NCKAP5: variants seen among roughly 807,000 people sequenced by gnomAD.
NCKAP5 encodes the protein nck-associated protein 5.
A neutral mutation model predicts 167.0 loss-of-function variants in NCKAP5; 92 were observed. The observed-to-expected ratio is 0.55, with a 90% CI of 0.47 to 0.66. The LOEUF (loss-of-function observed/expected upper bound fraction) is 0.66, where lower values mean the gene tolerates loss of function less well. Ranked by LOEUF, NCKAP5 falls within the 30% of genes least tolerant of loss-of-function variation. NCKAP5 has a pLI of 0.00. For synonymous variants in NCKAP5, 891 were observed against 877.4 expected (o/e 1.02, Z -0.27); for missense variants, 2,378 against 2,315.0 (o/e 1.03, Z -0.56).
At chr2:132,974,227 A>G (rs2076913220) in intron 7 of NCKAP5, among the ~76,000 whole-genome samples, 1 of 152,262 alleles carries the variant, frequency 6.6e-6, no homozygotes, top group Non-Finnish European at 1.5e-5. Flanking sequence ...TGTAGAAGTT[A>G]AAACAGAACT....
At chr2:133,373,042 T>G (rs998654192) in intron 3 of NCKAP5, among the ~76,000 whole-genome samples, 1 of 152,136 alleles carries the variant, frequency 6.6e-6, no homozygotes, top group African/African-American at 2.4e-5. Context: ...AGGTATACAT[T>G]TGGCAAAAAT....
chr2:133,527,369 G>A (rs1417815890), intron 2 of NCKAP5, among the ~76,000 whole-genome samples: 2 of 152,076 alleles, frequency 1.3e-5, no homozygotes, highest in Admixed American at 6.6e-5. Flanking sequence ...CAATAAATTG[G>A]AAGCCAGTAC....
intron 11 of NCKAP5, among the ~76,000 whole-genome samples, chr2:132,804,864 TC>T (rs1301362488): frequency 1.3e-5 from 2 of 151,946 alleles, no homozygotes; most frequent in Non-Finnish European, 2.9e-5. Flanking sequence ...CAGGATTCTG[TC>T]CCAGACCTGC....
intron 4 of NCKAP5, among the ~76,000 whole-genome samples, chr2:133,254,127 G>A (rs939991515): frequency 1.3e-5 from 2 of 152,160 alleles, no homozygotes; most frequent in African/African-American, 4.8e-5. Context: ...TCATGACCTG[G>A]TGTAATCTCC....
chr2:133,266,704 G>C (rs905917835), intron 4 of NCKAP5, among the ~76,000 whole-genome samples: 3 of 152,162 alleles, frequency 2.0e-5, no homozygotes, highest in African/African-American at 7.2e-5. Context: ...CGGGCACCTC[G>C]CGCTCCTCCG....
intron 3 of NCKAP5, among the ~76,000 whole-genome samples, chr2:133,426,930 C>T (rs1689847093): frequency 6.6e-6 from 1 of 152,068 alleles, no homozygotes; most frequent in Admixed American, 6.6e-5. Context: ...TGGTGATATA[C>T]AGAACATAAA....
intron 8 of NCKAP5, among the ~76,000 whole-genome samples, chr2:132,945,073 A>G (rs1697598519): frequency 6.6e-6 from 1 of 152,116 alleles, no homozygotes; most frequent in Non-Finnish European, 1.5e-5. Flanking sequence ...ACTGGCCCCA[A>G]GCGGGTTGAG....
intron 19 of NCKAP5, among the ~76,000 whole-genome samples, chr2:132,685,620 G>A (rs1685827672): frequency 6.6e-6 from 1 of 152,088 alleles, no homozygotes; most frequent in South Asian, 2.1e-4. Flanking sequence ...CTAGGCCCTG[G>A]AACTACAATT....
chr2:132,829,710 C>G (rs987468069), intron 11 of NCKAP5, among the ~76,000 whole-genome samples: 2 of 152,106 alleles, frequency 1.3e-5, no homozygotes, highest in Non-Finnish European at 2.9e-5. Flanking sequence ...GACACCTACA[C>G]CCAGATGTTC....
intron 11 of NCKAP5, among the ~76,000 whole-genome samples, chr2:132,813,658 A>G (rs538509996): frequency 1.3e-4 from 20 of 152,284 alleles, no homozygotes; most frequent in African/African-American, 4.8e-4. Context: ...TCAGCAAGAA[A>G]CCATACGTGG....
At chr2:133,183,578 A>C (rs2084823156) in intron 5 of NCKAP5, among the ~76,000 whole-genome samples, 1 of 150,418 alleles carries the variant, frequency 6.6e-6, no homozygotes, top group South Asian at 2.1e-4. Flanking sequence ...CTCAGTTAAA[A>C]GAGCACTGGC....
chr2:133,182,785 G>A (rs1022002130), intron 5 of NCKAP5, among the ~76,000 whole-genome samples: 31 of 151,982 alleles, frequency 2.0e-4, no homozygotes, highest in African/African-American at 7.2e-4. Flanking sequence ...AATGAAACTG[G>A]AAACAAAAGC....
intron 4 of NCKAP5, among the ~76,000 whole-genome samples, chr2:133,238,155 A>C (rs2087509920): frequency 6.6e-6 from 1 of 152,194 alleles, no homozygotes; most frequent in Non-Finnish European, 1.5e-5. Flanking sequence ...AAAAAGTGAC[A>C]CTTTAATTAT....
intron 11 of NCKAP5, among the ~76,000 whole-genome samples, chr2:132,829,917 C>T (rs1213830384): frequency 6.6e-6 from 1 of 152,160 alleles, no homozygotes; most frequent in South Asian, 2.1e-4. Flanking sequence ...TTGAAATACA[C>T]ATAAGAGGCA....
At chr2:133,237,630 A>G (rs2087484578) in intron 4 of NCKAP5, among the ~76,000 whole-genome samples, 1 of 152,210 alleles carries the variant, frequency 6.6e-6, no homozygotes, top group Non-Finnish European at 1.5e-5. Context: ...ACACGTGTAA[A>G]CAAATGCACT....
chr2:133,606,054 G>A, the NCKAP5 span, among the ~76,000 whole-genome samples: 1 of 152,248 alleles, frequency 6.6e-6, no homozygotes, highest in African/African-American at 2.4e-5. Context: ...TTTTATGTAA[G>A]TTAACAGTGG....
intron 5 of NCKAP5, among the ~76,000 whole-genome samples, chr2:133,131,685 C>A (rs1242694788): frequency 6.6e-6 from 1 of 152,070 alleles, no homozygotes; most frequent in African/African-American, 2.4e-5. Flanking sequence ...AAAATCAAAT[C>A]TTTATTCTGT....
intron 4 of NCKAP5, among the ~76,000 whole-genome samples, chr2:133,250,766 C>T (rs2088274604): frequency 6.6e-6 from 1 of 152,014 alleles, no homozygotes; most frequent in Non-Finnish European, 1.5e-5. Context: ...AGGGAGCCTA[C>T]ATCTCTACAA....
rs369550355 is a variant in NCKAP5, at chr2:133,023,439, T to C, written c.342-29200A>G. Among the ~76,000 whole-genome samples, 3 of 152,258 alleles carry C rather than the reference T, an allele frequency of 2.0e-5. No homozygotes were observed. The East Asian group carries it at 5.8e-4, about 29-fold the overall frequency. On this transcript the variant is annotated intron_variant, in intron 6 of 19. Transcript: ENST00000409261. Reference sequence around the variant, plus strand: ...AAAGCTTGGTTGCAAATTATCTTTATTGATTTTTTATAATTGTACATTTAT... The same window carrying C: ...AAAGCTTGGTTGCAAATTATCTTTACTGATTTTTTATAATTGTACATTTAT...
Sources: gnomAD v4.1 joint callset for allele counts (sites outside exome capture counted in the v4.1 genomes callset) on GRCh38, gnomAD v4.1.1 for gene constraint, MANE v1.5 for transcripts, NCBI Gene and HGNC (gene_info 2026-07-23, HGNC 2026-07-21) for gene names.